SLC25A18: variants seen among roughly 807,000 people sequenced by gnomAD.
SLC25A18 encodes mitochondrial glutamate carrier 2.
SLC25A18 carries 24 observed loss-of-function variants against 31.1 expected under a neutral mutation model. The observed-to-expected ratio is 0.77, with a 90% CI of 0.56 to 1.08. SLC25A18 has a LOEUF of 1.08. Among genes scored for constraint, SLC25A18 ranks in the 50% least tolerant of loss-of-function variants. The pLI is 0.00. For missense variants in SLC25A18, 371 were observed against 418.5 expected (o/e 0.89, Z 0.99); for synonymous variants, 173 against 161.9 (o/e 1.07, Z -0.52).
In SLC25A18 at chr22:17,587,986, A is replaced by G; in HGVS notation, c.637A>G (p.Asn213Asp). The G allele has an allele frequency of 6.2e-7, 1 of 1,614,226 alleles. No homozygotes were observed. Among genetic ancestry groups the G allele is most frequent in the South Asian group, 1.1e-5 (1 of 91,080 alleles). ...LFANLNNLGFNELAGKASFAH... is the reference protein window; with the variant it reads ...LFANLNNLGFDELAGKASFAH... Reference sequence around the variant, plus strand: ...TGCCAACCTTAACAACCTGGGGTTCAACGAGCTCGCCGGTAAGGCGTCCTT... The same window carrying G: ...TGCCAACCTTAACAACCTGGGGTTCGACGAGCTCGCCGGTAAGGCGTCCTT... The change falls in exon 9 of 11, where the codon AAC becomes GAC. Residue 213 changes from asparagine (N) to aspartate (D), a missense_variant. By Grantham distance (23) the Asn-to-Asp change is conservative (BLOSUM62 1). Coordinates refer to ENST00000327451, the MANE Select transcript of SLC25A18 (RefSeq NM_031481.3).
At chr22:17,581,712 G>A (rs559137100) in intron 5 of SLC25A18, 7 of 397,454 alleles carry the variant, frequency 1.8e-5, no homozygotes, top group Non-Finnish European at 2.7e-5. Flanking sequence ...AGGGACTGAG[G>A]GACGGGGCCT....
chr22:17,564,582 T>TG (rs71315385), intron 1 of SLC25A18, among the ~76,000 whole-genome samples: 1 of 151,824 alleles, frequency 6.6e-6, no homozygotes, highest in Non-Finnish European at 1.5e-5. Flanking sequence ...TTAAGTTGGC[T>TG]GGGGCGCGGT....
At chr22:17,577,215 G>T (rs1039629414) in intron 2 of SLC25A18, among the ~76,000 whole-genome samples, 3 of 152,126 alleles carry the variant, frequency 2.0e-5, no homozygotes, top group African/African-American at 7.2e-5. Flanking sequence ...GTAGAGACGG[G>T]GTTTCACCAT....
In SLC25A18 at chr22:17,583,541, C is replaced by T; in HGVS notation, c.409+7C>T. Reference sequence around the variant, plus strand: ...CAGGATGCTGGACGCCTGGGTGAGGCCTGTCCCCACCTCCTATGGGAACAG... The same window carrying T: ...CAGGATGCTGGACGCCTGGGTGAGGTCTGTCCCCACCTCCTATGGGAACAG... On this transcript the variant is annotated splice_region_variant and intron_variant, in intron 7 of 10. Transcript: ENST00000327451. 1 of 1,612,904 alleles carries T rather than the reference C, an allele frequency of 6.2e-7. No individual in the cohort carries two copies. Among genetic ancestry groups the T allele is most frequent in the Non-Finnish European group, 8.5e-7 (1 of 1,179,938 alleles).
intron 2 of SLC25A18, among the ~76,000 whole-genome samples, chr22:17,572,524 T>C (rs1375435394): frequency 6.6e-6 from 1 of 150,782 alleles, no homozygotes; most frequent in African/African-American, 2.4e-5. Flanking sequence ...CTGGGTGTGG[T>C]GTCTCACGCC....
At chr22:17,577,579 ATT>A (rs695611) in intron 2 of SLC25A18, among the ~76,000 whole-genome samples, 19 of 118,878 alleles carry the variant, frequency 1.6e-4, no homozygotes, top group Admixed American at 2.0e-4. Context: ...TGTCCTGTCT[ATT>A]TTTTTTTTTT....
At chr22:17,589,303 C>CG in intron 9 of SLC25A18, 1 of 303,488 alleles carries the variant, frequency 3.3e-6, no homozygotes, top group Non-Finnish European at 6.4e-6. Flanking sequence ...GCCCCAGCCT[C>CG]ATGAGTAGCT....
intron 1 of SLC25A18, chr22:17,569,570 T>G: frequency 1.0e-6 from 1 of 976,804 alleles, no homozygotes; most frequent in Non-Finnish European, 1.2e-6. Flanking sequence ...GTTGCATTGA[T>G]TTTCAGTGTT....
intron 7 of SLC25A18, among the ~76,000 whole-genome samples, chr22:17,584,962 G>C (rs2057501361): frequency 6.6e-6 from 1 of 151,668 alleles, no homozygotes; most frequent in Non-Finnish European, 1.5e-5. Flanking sequence ...CCTAAATCCT[G>C]GTCCTCTCAG....
intron 7 of SLC25A18, among the ~76,000 whole-genome samples, chr22:17,584,794 A>AT (rs912252985): frequency 6.6e-6 from 1 of 151,176 alleles, no homozygotes; most frequent in Non-Finnish European, 1.5e-5. Flanking sequence ...AAAAAAAAAA[A>AT]AAAAAAAAAA....
At chr22:17,564,747 C>T (rs991063056) in intron 1 of SLC25A18, among the ~76,000 whole-genome samples, 3 of 151,282 alleles carry the variant, frequency 2.0e-5, no homozygotes, top group African/African-American at 7.3e-5. Flanking sequence ...GTCCCAGCTA[C>T]TCGGGAGGCT....
chr22:17,571,885 G>A (rs2057096476), intron 2 of SLC25A18, among the ~76,000 whole-genome samples: 1 of 152,110 alleles, frequency 6.6e-6, no homozygotes, highest in African/African-American at 2.4e-5. Flanking sequence ...GGGCATGGTG[G>A]CTCGTGCCTG....
chr22:17,573,421 G>T (rs1235245940), intron 2 of SLC25A18, among the ~76,000 whole-genome samples: 1 of 152,064 alleles, frequency 6.6e-6, no homozygotes, highest in East Asian at 1.9e-4. Flanking sequence ...ACCATCCTTA[G>T]CCACCTCCAC....
At chr22:17,580,170 T>C (rs1223628835) in intron 3 of SLC25A18, 2 of 468,662 alleles carry the variant, frequency 4.3e-6, no homozygotes, top group East Asian at 3.4e-5. Flanking sequence ...TTGTTCAACA[T>C]AGTTTAATTG....
chr22:17,590,053 A>T (rs1206846903), intron 10 of SLC25A18, 42 bp from the exon 11 acceptor site: 1 of 1,610,590 alleles, frequency 6.2e-7, no homozygotes, highest in African/African-American at 1.3e-5. Context: ...TGCTTGCAGA[A>T]TGCCCCTGCC....
chr22:17,589,602 G>T lies in SLC25A18; in HGVS notation c.743G>T (p.Arg248Leu). Reference sequence around the variant, plus strand: ...TTACTTGATTTAGTTCTGAAAACTCGAATCCAAACCCTCAAGAAAGGCCTG... The same window carrying T: ...TTACTTGATTTAGTTCTGAAAACTCTAATCCAAACCCTCAAGAAAGGCCTG... ...AVTPLDVLKTRIQTLKKGLGE... is the reference protein window; with the variant it reads ...AVTPLDVLKTLIQTLKKGLGE... Residue 248 changes from arginine to leucine, a missense_variant, in exon 10 of 11, where the codon CGA (arginine) becomes CTA (leucine). By Grantham distance (102) the Arg-to-Leu change is moderately radical (BLOSUM62 -2). Transcript: ENST00000327451. The T allele has an allele frequency of 3.1e-6, 5 of 1,614,034 alleles. No individual in the cohort carries two copies. The highest frequency in any genetic ancestry group is 3.4e-6 in the Non-Finnish European group (4 of 1,179,970).
Position 17,587,074 on chromosome 22 carries a change from T to A in SLC25A18, c.410-62T>A. 3.8e-6 allele frequency: 6 copies of A among 1,574,076 alleles called. 1 individual carries two copies. In the South Asian group the frequency reaches 7.1e-5, roughly 19 times the overall value. Reference sequence around the variant, plus strand: ...CAGGGGCAGGGATTGAGAGCCACACTCAGGAGTGTTTCGTAGCATCTGTTG... The same window carrying A: ...CAGGGGCAGGGATTGAGAGCCACACACAGGAGTGTTTCGTAGCATCTGTTG... On this transcript the variant is annotated intron_variant, in intron 7 of 10. Coordinates refer to ENST00000327451, the MANE Select transcript of SLC25A18 (RefSeq NM_031481.3).
chr22:17,577,285 G>A (rs1485006204), intron 2 of SLC25A18, among the ~76,000 whole-genome samples: 2 of 152,036 alleles, frequency 1.3e-5, no homozygotes, highest in Non-Finnish European at 1.5e-5. Context: ...GCCTCCCAAA[G>A]TGCTGGGATT....
chr22:17,565,735 G>A (rs1302811661), intron 1 of SLC25A18, among the ~76,000 whole-genome samples: 1 of 151,986 alleles, frequency 6.6e-6, no homozygotes, highest in East Asian at 1.9e-4. Context: ...GGCATGATGG[G>A]GCATGCCTGT....
Sources: gnomAD v4.1 joint callset for allele counts (sites outside exome capture counted in the v4.1 genomes callset) on GRCh38, gnomAD v4.1.1 for gene constraint, MANE v1.5 for transcripts, NCBI Gene and HGNC (gene_info 2026-07-23, HGNC 2026-07-21) for gene names.